DCDC2C: variants seen among roughly 807,000 people sequenced by gnomAD.
The protein encoded by DCDC2C is doublecortin domain-containing protein 2C.
In DCDC2C, 44 loss-of-function variants were observed where a neutral mutation model predicts 45.0. The ratio of observed to expected loss-of-function variants is 0.98; its 90% CI spans 0.77 to 1.26. The LOEUF (loss-of-function observed/expected upper bound fraction) is 1.26. Among genes scored for constraint, DCDC2C ranks in the 50% most tolerant of loss-of-function variants. DCDC2C has a pLI of 0.00. For missense variants in DCDC2C, 447 were observed against 468.9 expected (o/e 0.95, Z 0.43); for synonymous variants, 187 against 178.8 (o/e 1.05, Z -0.37).
rs752819998 is a variant in DCDC2C at position 3,738,539 on chromosome 2, G to GAAAAAAAAAAA, written c.417-3381_417-3380insAAAAAAAAAAA. 9.1e-5 allele frequency among the ~76,000 whole-genome samples: 5 copies of GAAAAAAAAAAA among 55,248 alleles called. 1 individual carries two copies. Among genetic ancestry groups the GAAAAAAAAAAA allele is most frequent in the African/African-American group, 1.4e-4 (2 of 13,992 alleles). 36.2% of individuals were successfully genotyped at this position (55,248 alleles called of 152,430 possible). On this transcript the variant is annotated intron_variant, in intron 3 of 10. Coordinates refer to ENST00000399143, the MANE Select transcript of DCDC2C (RefSeq NM_001287444.2). ...TACATTTTTTCTGCTGGTCTATCTG[G>GAAAAAAAAAAA]GAAAAAAAAAAAAAAAAAAAAAAAA...
chr2:3,825,446 A>T (rs1671790814), intron 10 of DCDC2C, among the ~76,000 whole-genome samples: 1 of 152,172 alleles, frequency 6.6e-6, no homozygotes, highest in Non-Finnish European at 1.5e-5. Context: ...AGAGGGTTAT[A>T]ATTTTGTAGA....
At position 3,813,038 on chromosome 2, in the gene DCDC2C, C is replaced by CGT. The variant is rs1558238574; in HGVS notation, c.1065+27939_1065+27940dup. Among the ~76,000 whole-genome samples the CGT allele has an allele frequency of 3.0e-4, 9 of 29,988 alleles. No homozygotes were observed. In the East Asian group the frequency reaches 0.014, roughly 45 times the overall value. 19.7% of individuals were successfully genotyped at this position (29,988 alleles called of 152,430 possible). On this transcript the variant is annotated intron_variant, in intron 10 of 10. Coordinates refer to ENST00000399143, the MANE Select transcript of DCDC2C (RefSeq NM_001287444.2). ...AAGTGCTATGTGGCACTGAGAAGAA[C>CGT]GTATATATATATATATATATATATA...
intron 2 of DCDC2C, among the ~76,000 whole-genome samples, chr2:3,725,695 CCAGAGGGAGA>C (rs1668645048): frequency 6.6e-6 from 1 of 150,534 alleles, no homozygotes. Context: ...CAGGTGGATC[CCAGAGGGAGA>C]TGAGCAAAGA....
intron 2 of DCDC2C, among the ~76,000 whole-genome samples, chr2:3,721,098 T>G (rs1668488353): frequency 6.6e-6 from 1 of 152,252 alleles, no homozygotes; most frequent in Admixed American, 6.5e-5. Flanking sequence ...TGATGTTGCC[T>G]CTCTCATTCC....
At chr2:3,836,947 A>G (rs1205690278) in intron 10 of DCDC2C, among the ~76,000 whole-genome samples, 1 of 152,204 alleles carries the variant, frequency 6.6e-6, no homozygotes, top group Non-Finnish European at 1.5e-5. Context: ...TAAATCTAAA[A>G]TTATTTCAAA....
chr2:3,821,300 C>CA (rs1422095262), intron 10 of DCDC2C, among the ~76,000 whole-genome samples: 1 of 152,132 alleles, frequency 6.6e-6, no homozygotes, highest in African/African-American at 2.4e-5. Context: ...GTGCAGGTCA[C>CA]AGGGGATATG....
At chr2:3,767,968 T>C in intron 7 of DCDC2C, 88 bp downstream of exon 7, 1 of 1,298,886 alleles carries the variant, frequency 7.7e-7, no homozygotes, top group Non-Finnish European at 1.0e-6. Context: ...AGAAATCTTA[T>C]ACTCCAGAAA....
intron 1 of DCDC2C, among the ~76,000 whole-genome samples, chr2:3,705,465 G>C (rs1668041528): frequency 6.6e-6 from 1 of 152,228 alleles, no homozygotes; most frequent in Non-Finnish European, 1.5e-5. Context: ...CCAGTGTTCA[G>C]TGCTGATTTA....
intron 10 of DCDC2C, among the ~76,000 whole-genome samples, chr2:3,821,971 G>A (rs1270203512): frequency 1.3e-5 from 2 of 152,150 alleles, no homozygotes; most frequent in African/African-American, 4.8e-5. Context: ...GGGAAACTAT[G>A]TACCCATTAA....
At chr2:3,716,220 A>G (rs1012039595) in intron 2 of DCDC2C, among the ~76,000 whole-genome samples, 4 of 152,184 alleles carry the variant, frequency 2.6e-5, no homozygotes, top group African/African-American at 4.8e-5. Context: ...GGCAGAACAA[A>G]GGGAGTTCCG....
intron 10 of DCDC2C, among the ~76,000 whole-genome samples, chr2:3,816,292 C>A (rs192973437): frequency 4.5e-5 from 4 of 87,962 alleles, no homozygotes; most frequent in Admixed American, 1.4e-4. Context: ...CCCAGGTCAT[C>A]CAATTAGAGA....
intron 8 of DCDC2C, among the ~76,000 whole-genome samples, chr2:3,777,475 A>G (rs1670375568): frequency 6.6e-6 from 1 of 152,208 alleles, no homozygotes; most frequent in African/African-American, 2.4e-5. Context: ...ATACTTGCTG[A>G]ATAAATGAAT....
At position 3,725,127 on chromosome 2, in the gene DCDC2C, G is replaced by A. The variant is rs2148068964; in HGVS notation, c.340-1876G>A. Among the ~76,000 whole-genome samples, 4 of 152,300 alleles carry A rather than the reference G, an allele frequency of 2.6e-5. 1 individual carries two copies. The South Asian group carries it at 8.3e-4, about 32-fold the overall frequency. On this transcript the variant is annotated intron_variant, in intron 2 of 10. Coordinates refer to ENST00000399143, the MANE Select transcript of DCDC2C (RefSeq NM_001287444.2). ...GTAGGGCCCGCACCATGGTGTCTAT[G>A]CTGGGAGTTTCCTGGGTGGGTGTGA...
intron 3 of DCDC2C, among the ~76,000 whole-genome samples, chr2:3,728,895 G>A (rs913937022): frequency 5.3e-5 from 8 of 152,294 alleles, no homozygotes; most frequent in African/African-American, 1.2e-4. Flanking sequence ...TGGGGTCACC[G>A]GGGGATTGAG....
chr2:3,765,700 T>G (rs1050920499), intron 6 of DCDC2C, among the ~76,000 whole-genome samples: 1 of 152,206 alleles, frequency 6.6e-6, no homozygotes, highest in Non-Finnish European at 1.5e-5. Context: ...GGGAATTCAT[T>G]AATGGAGAAA....
chr2:3,711,515 C>A (rs759085552), intron 2 of DCDC2C, among the ~76,000 whole-genome samples: 1 of 152,064 alleles, frequency 6.6e-6, no homozygotes, highest in African/African-American at 2.4e-5. Context: ...GAGTTGGAAG[C>A]CATTATCCTC....
At chr2:3,730,764 G>A (rs944039356) in intron 3 of DCDC2C, among the ~76,000 whole-genome samples, 1 of 152,186 alleles carries the variant, frequency 6.6e-6, no homozygotes, top group African/African-American at 2.4e-5. Context: ...CCTTCTGGGT[G>A]GCGTGTGCAG....
chr2:3,752,113 C>T (rs900476303), intron 4 of DCDC2C, among the ~76,000 whole-genome samples: 15 of 152,182 alleles, frequency 9.9e-5, no homozygotes, highest in African/African-American at 3.4e-4. Flanking sequence ...AGCCTTTCTC[C>T]TCTTGGGACC....
At chr2:3,833,520 C>A (rs887569032) in intron 10 of DCDC2C, among the ~76,000 whole-genome samples, 1 of 152,190 alleles carries the variant, frequency 6.6e-6, no homozygotes. Flanking sequence ...TTGTGTCAGC[C>A]TTTCAGGGCT....
Sources: allele counts gnomAD v4.1 joint callset (sites outside exome capture counted in the v4.1 genomes callset), GRCh38; gene constraint gnomAD v4.1.1; transcripts MANE v1.5; gene names NCBI Gene and HGNC (gene_info 2026-07-23, HGNC 2026-07-21).